ACAP1: variants seen among roughly 807,000 people sequenced by gnomAD.
ACAP1 encodes ArfGAP with coiled-coil, ankyrin repeat and PH domains 1.
Under a neutral mutation model 98.8 loss-of-function variants are expected in ACAP1, and 45 were observed. The ratio of observed to expected loss-of-function variants is 0.46; its 90% CI spans 0.36 to 0.58. ACAP1 has a LOEUF of 0.58. Among genes scored for constraint, ACAP1 ranks in the 20% least tolerant of loss-of-function variants. ACAP1 has a pLI of 0.00. For missense variants in ACAP1, 735 were observed against 971.4 expected (o/e 0.76, Z 3.24); for synonymous variants, 362 against 375.3 (o/e 0.96, Z 0.41).
rs200090304 is a variant in ACAP1, at chr17:7,347,907, C to G, written c.1344-15C>G. 565 of 1,612,806 alleles carry G rather than the reference C, an allele frequency of 3.5e-4. 1 individual carries two copies. In the African/African-American group the frequency reaches 5.8e-3, roughly 16 times the overall value. On this transcript the variant is annotated splice_polypyrimidine_tract_variant and intron_variant, in intron 14 of 21. Transcript: ENST00000158762. ...CCCCTGCACAGGGCCTGACCCTCCC[C>G]CTCTGGCCCTCCAGGAGCCTTGGTG...
At chr17:7,348,879 C>T in intron 17 of ACAP1, 116 bp from the exon 18 acceptor site, 2 of 985,204 alleles carry the variant, frequency 2.0e-6, no homozygotes, top group Non-Finnish European at 3.1e-6. Context: ...TCCACAGTCC[C>T]AAGCTCCCCA....
chr17:7,346,157 A>G, intron 10 of ACAP1, 87 bp from the exon 11 acceptor site: 1 of 1,286,124 alleles, frequency 7.8e-7, no homozygotes, highest in Non-Finnish European at 1.1e-6. Context: ...TCCTCTCAGT[A>G]AGATCCTCAT....
chr17:7,346,034 T>C (rs186284003), intron 10 of ACAP1: 82 of 578,912 alleles, frequency 1.4e-4, no homozygotes, highest in African/African-American at 1.4e-3. Flanking sequence ...TCTTCATAAC[T>C]ATATGAAATC....
In ACAP1 at chr17:7,343,992, G is replaced by T. The variant is rs1374591527; in HGVS notation, c.669+36G>T. The stretch of plus-strand genomic sequence containing the variant: ...AGGGCACAGCAGGTGGTAGAGGGAG[G>T]TTAGGGACTCCTAACTGGGGGGCCT... On this transcript the variant is annotated intron_variant, in intron 8 of 21. Transcript: ENST00000158762. The surrounding 1 kb of genome is among the most constrained non-coding windows in gnomAD (Gnocchi z 4.9). The T allele has an allele frequency of 1.9e-6, 3 of 1,575,102 alleles. No homozygotes were observed. Among genetic ancestry groups the T allele is most frequent in the Non-Finnish European group, 2.6e-6 (3 of 1,159,736 alleles).
Position 7,348,378 on chromosome 17 carries a change from A to G in ACAP1, c.1581A>G (p.Arg527=). The G allele has an allele frequency of 6.4e-7, 1 of 1,570,956 alleles. No homozygotes were observed. The highest frequency in any genetic ancestry group is 8.6e-7 in the Non-Finnish European group (1 of 1,156,388). The change falls in exon 17 of 22, where the codon CGA becomes CGG. Residue 527 remains arginine, a synonymous_variant. Transcript: ENST00000158762. ...TCCTGACCAAGCTGCCTGAGATTCG[A>G]GGGCGAAGAGGTGGCCGGGGGCGCC... ...KKFLTKLPEI[R]GRRGGRGRPR...
rs774981502 is a variant in ACAP1 at position 7,347,885 on chromosome 17, C to G, written c.1344-37C>G. 1.9e-6 allele frequency: 3 copies of G among 1,589,874 alleles called. No individual in the cohort carries two copies. In the South Asian group the frequency reaches 3.3e-5, roughly 18 times the overall value. On this transcript the variant is annotated intron_variant, in intron 14 of 21. Transcript: ENST00000158762. ...AGCAGCTCCCCAGGCCACTGCCCCC[C>G]TGCACAGGGCCTGACCCTCCCCCTC...
chr17:7,348,581 A>G (rs879208199), intron 17 of ACAP1, 106 bp downstream of exon 17: 1 of 1,269,334 alleles, frequency 7.9e-7, no homozygotes, highest in African/African-American at 1.5e-5. Context: ...CCGCTGGACA[A>G]TGTCGGAGGG....
At position 7,344,685 on chromosome 17, in the gene ACAP1, C is replaced by T. The variant is rs1175565644; in HGVS notation, c.854+37C>T. ...ACACCCCCAATCAGCCCGCCCCACC[C>T]AATGATGTATTTTCGAGTGGTAATA... On this transcript the variant is annotated intron_variant, in intron 10 of 21. Transcript: ENST00000158762. This position sits in a 1 kb window ranked among gnomAD's most constrained non-coding sequence, Gnocchi z 4.9. The T allele has an allele frequency of 2.7e-6, 4 of 1,461,740 alleles. No individual in the cohort carries two copies. Among genetic ancestry groups the T allele is most frequent in the Non-Finnish European group, 2.8e-6 (3 of 1,065,690 alleles). 90.5% of individuals were successfully genotyped at this position (1,461,740 alleles called of 1,614,324 possible). A position where few individuals can be genotyped will look rare whatever the true frequency, so the allele number is the denominator to read the frequency against.
At chr17:7,337,997 G>A (rs1193187754) in intron 2 of ACAP1, among the ~76,000 whole-genome samples, 3 of 152,134 alleles carry the variant, frequency 2.0e-5, no homozygotes, top group African/African-American at 4.8e-5. Flanking sequence ...CCAGTGAAAC[G>A]TTTCAATTCA....
At chr17:7,341,524 G>A (rs1204313479) in intron 2 of ACAP1, among the ~76,000 whole-genome samples, 1 of 152,220 alleles carries the variant, frequency 6.6e-6, no homozygotes, top group Non-Finnish European at 1.5e-5. Flanking sequence ...TTACAGGTGT[G>A]AGCCACCACG....
chr17:7,348,789 G>A (rs894917049), intron 17 of ACAP1: 8 of 592,190 alleles, frequency 1.4e-5, no homozygotes, highest in East Asian at 8.5e-5. Flanking sequence ...TGATGATGCC[G>A]TCTCTCCCCC....
At chr17:7,338,478 G>A (rs1475054872) in intron 2 of ACAP1, among the ~76,000 whole-genome samples, 7 of 151,856 alleles carry the variant, frequency 4.6e-5, no homozygotes, top group Admixed American at 3.9e-4. Context: ...GGCTAAGCTG[G>A]TCTTGAACTC....
chr17:7,349,190 C>T (rs2073378209), intron 18 of ACAP1, 23 bp downstream of exon 18: 1 of 1,612,580 alleles, frequency 6.2e-7, no homozygotes, highest in Non-Finnish European at 8.5e-7. Flanking sequence ...CTGACCTCTC[C>T]ACCCCACCCT....
rs11657406 is a variant in ACAP1, at chr17:7,346,551, G to T, written c.1007+60G>T. 0.16 allele frequency: 232,749 copies of T among 1,457,638 alleles called. 20,217 individuals carry two copies. The highest frequency in any genetic ancestry group is 0.23 in the Middle Eastern group (1,262 of 5,438). 90.3% of individuals were successfully genotyped at this position (1,457,638 alleles called of 1,614,324 possible). On this transcript the variant is annotated intron_variant, in intron 12 of 21. Coordinates refer to ENST00000158762, the MANE Select transcript of ACAP1 (RefSeq NM_014716.4). ...ATCTAAACAACTGCCAATCTGAAAGGCAGGGCCCACCACAATGGAGGCCCC... is the reference window on the plus strand; with the variant it reads ...ATCTAAACAACTGCCAATCTGAAAGTCAGGGCCCACCACAATGGAGGCCCC...
rs2073386799 is a variant in ACAP1, at chr17:7,349,983, G to C, written c.1890G>C (p.Gly630=). 2.5e-6 allele frequency: 4 copies of C among 1,613,230 alleles called. No homozygotes were observed. The highest frequency in any genetic ancestry group is 2.2e-5 in the South Asian group (2 of 91,042). The change falls in exon 19 of 22, where the codon GGG becomes GGC. Residue 630 remains glycine, a synonymous_variant. Transcript: ENST00000158762. ...LLACEFLLQN[G]ANVNQADSAG... ...CCTGTGAGTTTCTCCTCCAGAACGG[G>C]GCGAACGTGAACCAAGCGGACAGTG...
In ACAP1 at chr17:7,343,596, G is replaced by C; in HGVS notation, c.528+34G>C. 2 of 1,601,558 alleles carry C rather than the reference G, an allele frequency of 1.2e-6. No homozygotes were observed. The highest frequency in any genetic ancestry group is 1.7e-6 in the Non-Finnish European group (2 of 1,171,540). ...CCCAATCTGTCTTCCTGGGGTACCAGAGCCTCAAGTGTCACCTCGAGGCTT... is the reference window on the plus strand; with the variant it reads ...CCCAATCTGTCTTCCTGGGGTACCACAGCCTCAAGTGTCACCTCGAGGCTT... On this transcript the variant is annotated intron_variant, in intron 6 of 21. Coordinates refer to ENST00000158762, the MANE Select transcript of ACAP1 (RefSeq NM_014716.4). This position sits in a 1 kb window ranked among gnomAD's most constrained non-coding sequence, Gnocchi z 4.9.
chr17:7,351,069 T>G lies in ACAP1; in HGVS notation c.2122+70T>G, dbSNP rs902815602. 30 of 1,468,630 alleles carry G rather than the reference T, an allele frequency of 2.0e-5. No individual in the cohort carries two copies. The East Asian group carries it at 2.3e-4, about 11-fold the overall frequency. The allele number at this position is 1,468,630 out of a possible 1,614,324, so 91.0% of individuals were successfully genotyped here. A position where few individuals can be genotyped will look rare whatever the true frequency, so the allele number is the denominator to read the frequency against. ...TCTGGGCTTCTGGTCCACGGTGACC[T>G]CTCTCCCTAGTGCCCAGCTGCATTC... On this transcript the variant is annotated intron_variant, in intron 21 of 21. Coordinates refer to ENST00000158762, the MANE Select transcript of ACAP1 (RefSeq NM_014716.4).
chr17:7,350,944 C>G lies in ACAP1; in HGVS notation c.2073-6C>G, dbSNP rs759570554. 1.2e-6 allele frequency: 2 copies of G among 1,614,002 alleles called. No homozygotes were observed. Among genetic ancestry groups the G allele is most frequent in the Admixed American group, 3.3e-5 (2 of 60,008 alleles). Reference sequence around the variant, plus strand: ...GTCGTTCATTTCTTAATTCCCTCCTCTTCAGGCTACGACTGGCAAAGATGA... The same window carrying G: ...GTCGTTCATTTCTTAATTCCCTCCTGTTCAGGCTACGACTGGCAAAGATGA... On this transcript the variant is annotated splice_polypyrimidine_tract_variant and splice_region_variant and intron_variant, in intron 20 of 21. Coordinates refer to ENST00000158762, the MANE Select transcript of ACAP1 (RefSeq NM_014716.4). This position sits in a 1 kb window ranked among gnomAD's most constrained non-coding sequence, Gnocchi z 4.6.
intron 18 of ACAP1, chr17:7,349,524 A>C (rs558219670): frequency 1.2e-5 from 3 of 259,788 alleles, no homozygotes; most frequent in Admixed American, 5.0e-5. Flanking sequence ...TACAGGCGCC[A>C]GCCAGCATGC....
Sources: allele counts gnomAD v4.1 joint callset (sites outside exome capture counted in the v4.1 genomes callset), GRCh38; gene constraint gnomAD v4.1.1; non-coding constraint Gnocchi (gnomAD v3.1); transcripts MANE v1.5; gene names NCBI Gene and HGNC (gene_info 2026-07-23, HGNC 2026-07-21).